BORCS8: variants seen among roughly 807,000 people sequenced by gnomAD.
The protein encoded by BORCS8 is BLOC-1 related complex subunit 8, also known as BLOC-1-related complex subunit 8.
In BORCS8, 13 loss-of-function variants were observed where a neutral mutation model predicts 18.7. The ratio of observed to expected loss-of-function variants is 0.70; its 90% CI spans 0.45 to 1.11. BORCS8 has a LOEUF of 1.11. Among genes scored for constraint, BORCS8 ranks in the 50% least tolerant of loss-of-function variants. The pLI is 0.00. For missense variants in BORCS8, 165 were observed against 165.7 expected, an observed-to-expected ratio of 1.00 and a Z score of 0.02; for synonymous variants, 68 against 64.8, an observed-to-expected ratio of 1.05 and a Z score of -0.24.
Position 19,182,166 on chromosome 19 carries a change from C to A in BORCS8, c.326+407G>T. The stretch of plus-strand genomic sequence containing the variant: ...AGCCCCAGAGCGTCTGCCCTCACCA[C>A]TGCCCCACATGGAACTCCGTCTGCC... On this transcript the variant is annotated intron_variant, in intron 4 of 5. Coordinates refer to ENST00000462790, the MANE Select transcript of BORCS8 (RefSeq NM_001145784.2). The surrounding 1 kb of genome is among the most constrained non-coding windows in gnomAD (Gnocchi z 4.1). 1 of 523,632 alleles carries A rather than the reference C, an allele frequency of 1.9e-6. No individual in the cohort carries two copies. The highest frequency in any genetic ancestry group is 2.5e-6 in the Non-Finnish European group (1 of 404,768). The allele number at this position is 523,632 out of a possible 1,614,324, so 32.4% of individuals were successfully genotyped here.
At chr19:19,190,396 C>G (rs1568570034) in intron 1 of BORCS8, among the ~76,000 whole-genome samples, 1 of 152,350 alleles carries the variant, frequency 6.6e-6, no homozygotes, top group South Asian at 2.1e-4. Context: ...GAGGCTAACA[C>G]AAGTCTCTCC....
At position 19,183,375 on chromosome 19, in the gene BORCS8, A is replaced by G. The variant is rs1042356479; in HGVS notation, c.216-692T>C. 4.0e-5 allele frequency among the ~76,000 whole-genome samples: 6 copies of G among 149,172 alleles called. No homozygotes were observed. The Admixed American group carries it at 4.1e-4, about 10-fold the overall frequency. On this transcript the variant is annotated intron_variant, in intron 3 of 5. Coordinates refer to ENST00000462790, the MANE Select transcript of BORCS8 (RefSeq NM_001145784.2). ...CAGTGGGCTGAGATCGCGCCACTGC[A>G]CTCCAGCCTGGGCGACAGAGCGAGA...
intron 3 of BORCS8, among the ~76,000 whole-genome samples, chr19:19,184,993 G>A (rs2060392111): frequency 1.3e-5 from 2 of 152,272 alleles, no homozygotes; most frequent in South Asian, 2.1e-4. Flanking sequence ...AGCCTCCTGA[G>A]TAGCTGGAAC....
chr19:19,182,509 C>T lies in BORCS8; in HGVS notation c.326+64G>A, dbSNP rs1396207107. 5.3e-6 allele frequency: 8 copies of T among 1,518,740 alleles called. No homozygotes were observed. Among genetic ancestry groups the T allele is most frequent in the East Asian group, 2.5e-5 (1 of 40,566 alleles). The allele number at this position is 1,518,740 out of a possible 1,614,324, so 94.1% of individuals were successfully genotyped here. Reference sequence around the variant, plus strand: ...ATAAGCGAGAAGCAGCGGTTCCCAGCGCAGCTGAGAGACGGTCCTTGCAGC... The same window carrying T: ...ATAAGCGAGAAGCAGCGGTTCCCAGTGCAGCTGAGAGACGGTCCTTGCAGC... On this transcript the variant is annotated intron_variant, in intron 4 of 5. Transcript: ENST00000462790. This position sits in a 1 kb window ranked among gnomAD's most constrained non-coding sequence, Gnocchi z 4.1.
In BORCS8 at chr19:19,186,066, C is replaced by G. The variant is rs2060405770; in HGVS notation, c.183G>C (p.Gln61His). The G allele has an allele frequency of 5.2e-6, 8 of 1,550,634 alleles. No individual in the cohort carries two copies. Among genetic ancestry groups the G allele is most frequent in the Admixed American group, 2.0e-5 (1 of 50,894 alleles). ...CGTACTCCACAGTGTAGATGGCTCC[C>G]TGGCTCTGCTCCTCCCAACGCTGCA... ...ADMQRWEEQS[Q>H]GAIYTVEYAC... Residue 61 changes from glutamine to histidine, a missense_variant, in exon 3 of 6, where the codon CAG becomes CAC. Physicochemically the swap from Gln to His is conservative, Grantham distance 24. Transcript: ENST00000462790.
At chr19:19,190,111 C>T (rs1193436392) in intron 1 of BORCS8, among the ~76,000 whole-genome samples, 1 of 152,162 alleles carries the variant, frequency 6.6e-6, no homozygotes, top group Non-Finnish European at 1.5e-5. Flanking sequence ...CCCTGACTAC[C>T]AAGCTTAAAA....
intron 2 of BORCS8, 101 bp from the exon 3 acceptor site, chr19:19,186,199 G>A: frequency 8.9e-7 from 1 of 1,122,166 alleles, no homozygotes; most frequent in South Asian, 1.3e-5. Context: ...TCCTCATGGT[G>A]GAAGCAGAGA....
intron 5 of BORCS8, chr19:19,178,231 G>A (rs1015013143): frequency 3.3e-5 from 5 of 152,400 alleles, no homozygotes; most frequent in African/African-American, 9.6e-5. Flanking sequence ...GAGTCCAGGA[G>A]CAGCAAAGCC....
intron 3 of BORCS8, among the ~76,000 whole-genome samples, chr19:19,184,564 A>G (rs2060388079): frequency 6.6e-6 from 1 of 151,704 alleles, no homozygotes; most frequent in Non-Finnish European, 1.5e-5. Flanking sequence ...GGCCTCCCAA[A>G]GTGCTGGGAT....
rs777764351 is a variant in BORCS8, at chr19:19,186,039, G to A, written c.210C>T (p.Ala70=). ...SQGAIYTVEY[A]CSAVKNLVDS... Reference sequence around the variant, plus strand: ...GGGGAGGCTGTGGCGCTCACCTGCAGGCGTACTCCACAGTGTAGATGGCTC... The same window carrying A: ...GGGGAGGCTGTGGCGCTCACCTGCAAGCGTACTCCACAGTGTAGATGGCTC... The change falls in exon 3 of 6, where the codon GCC becomes GCT. Residue 70 remains alanine, a synonymous_variant. Coordinates refer to ENST00000462790, the MANE Select transcript of BORCS8 (RefSeq NM_001145784.2). The A allele has an allele frequency of 1.3e-6, 2 of 1,550,954 alleles. No homozygotes were observed. The highest frequency in any genetic ancestry group is 1.2e-5 in the South Asian group (1 of 84,022).
rs1378103220 is a variant in BORCS8, at chr19:19,182,088, G to A, written c.326+485C>T. 14 of 975,738 alleles carry A rather than the reference G, an allele frequency of 1.4e-5. No homozygotes were observed. The highest frequency in any genetic ancestry group is 1.7e-5 in the Non-Finnish European group (14 of 821,114). 60.4% of individuals were successfully genotyped at this position (975,738 alleles called of 1,614,324 possible). On this transcript the variant is annotated intron_variant, in intron 4 of 5. Coordinates refer to ENST00000462790, the MANE Select transcript of BORCS8 (RefSeq NM_001145784.2). This position sits in a 1 kb window ranked among gnomAD's most constrained non-coding sequence, Gnocchi z 4.1. ...CTGGCCCCATCTCCCCCAGCTGGCC[G>A]GCTCCAGCCACAGAAGCCTTCTCGG...
rs914257582 is a variant in BORCS8, at chr19:19,177,012, C to T, written c.*491G>A. On this transcript the variant is annotated 3_prime_UTR_variant, in exon 6 of 6. Transcript: ENST00000462790. ...CTCCACACAATGTTCTCAGGTCCCC[C>T]CGGAACCCCTCGCCCCGGCCTGGTT... The T allele has an allele frequency of 1.5e-5, 2 of 133,230 alleles. No individual in the cohort carries two copies. The highest frequency in any genetic ancestry group is 5.2e-5 in the African/African-American group (2 of 38,560). 8.3% of individuals were successfully genotyped at this position (133,230 alleles called of 1,614,324 possible).
At chr19:19,191,991 C>T in intron 1 of BORCS8, 90 bp downstream of exon 1, 2 of 1,485,014 alleles carry the variant, frequency 1.3e-6, no homozygotes, top group Non-Finnish European at 1.8e-6. Flanking sequence ...AATCACTGCT[C>T]CTCGCACGGT....
chr19:19,180,532 A>T (rs761431997), intron 5 of BORCS8, 154 bp downstream of exon 5: 2 of 649,608 alleles, frequency 3.1e-6, no homozygotes, highest in Admixed American at 4.5e-5. Context: ...CTGGACCTGC[A>T]GACACCCCTC....
Position 19,180,719 on chromosome 19 carries a change from C to T in BORCS8, c.*9G>A, listed in dbSNP as rs1027037136. 9 of 1,550,468 alleles carry T rather than the reference C, an allele frequency of 5.8e-6. No homozygotes were observed. Among genetic ancestry groups the T allele is most frequent in the African/African-American group, 1.4e-5 (1 of 73,036 alleles). On this transcript the variant is annotated 3_prime_UTR_variant, in exon 5 of 6. Coordinates refer to ENST00000462790, the MANE Select transcript of BORCS8 (RefSeq NM_001145784.2). Reference sequence around the variant, plus strand: ...GCGGAGGCTGGGGGGCCCCGAGTCTCTTCCAGGATCAGGCTGAGGAGGGCG... The same window carrying T: ...GCGGAGGCTGGGGGGCCCCGAGTCTTTTCCAGGATCAGGCTGAGGAGGGCG...
At chr19:19,180,361 G>A (rs1329755608) in intron 5 of BORCS8, 11 of 369,996 alleles carry the variant, frequency 3.0e-5, no homozygotes, top group South Asian at 6.1e-5. Context: ...CTGCTGGCAC[G>A]TGGTAGGATA....
intron 1 of BORCS8, among the ~76,000 whole-genome samples, chr19:19,188,083 G>A (rs1427763921): frequency 6.6e-6 from 1 of 151,990 alleles, no homozygotes; most frequent in African/African-American, 2.4e-5. Context: ...AGGCTGGAGT[G>A]TAGTGGGGCA....
rs768714915 is a variant in BORCS8 at position 19,182,606 on chromosome 19, C to G, written c.293G>C (p.Arg98Pro). The stretch of plus-strand genomic sequence containing the variant: ...CTGGGCACTGGCATTCATATGGTCC[C>G]GGATGCTGATGGCCTGTTTGAGCAG... ...EGLLKQAISI[R>P]DHMNASAQGH... is the part of the protein sequence containing the mutation. The change falls in exon 4 of 6, where the codon CGG (arginine) becomes CCG (proline). Residue 98 changes from arginine to proline, a missense_variant. Transcript: ENST00000462790. This position sits in a 1 kb window ranked among gnomAD's most constrained non-coding sequence, Gnocchi z 4.1. 3 of 1,551,294 alleles carry G rather than the reference C, an allele frequency of 1.9e-6. No individual in the cohort carries two copies. The highest frequency in any genetic ancestry group is 3.9e-5 in the Admixed American group (2 of 50,994).
intron 5 of BORCS8, chr19:19,177,750 A>G (rs919134819): frequency 1.2e-5 from 2 of 166,922 alleles, no homozygotes. Flanking sequence ...AAAGAAAAGA[A>G]AAGAAAGGAA....
Sources: gnomAD v4.1 joint callset for allele counts (sites outside exome capture counted in the v4.1 genomes callset) on GRCh38, gnomAD v4.1.1 for gene constraint, Gnocchi (gnomAD v3.1) non-coding constraint, MANE v1.5 for transcripts, NCBI Gene and HGNC (gene_info 2026-07-23, HGNC 2026-07-21) for gene names.